NBEA: variants seen among roughly 807,000 people sequenced by gnomAD.
NBEA encodes neurobeachin.
Under a neutral mutation model 343.4 loss-of-function variants are expected in NBEA, and 44 were observed. The ratio of observed to expected loss-of-function variants is 0.13; its 90% CI spans 0.10 to 0.16. NBEA has a LOEUF of 0.16. Ranked by LOEUF, NBEA falls within the 10% of genes least tolerant of loss-of-function variation. NBEA has a pLI of 1.00. For synonymous variants in NBEA, 1,175 were observed against 1,238.7 expected (o/e 0.95, Z 1.08); for missense variants, 2,555 against 3,631.3 (o/e 0.70, Z 7.62).
Position 35,159,045 on chromosome 13 carries a change from A to G in NBEA, c.2874A>G (p.Leu958=). 6.2e-7 allele frequency: 1 copy of G among 1,610,078 alleles called. No homozygotes were observed. Among genetic ancestry groups the G allele is most frequent in the South Asian group, 1.1e-5 (1 of 90,362 alleles). Residue 958 remains leucine (L), a synonymous_variant, in exon 22 of 59, where the codon CTA becomes CTG. Coordinates refer to ENST00000379939, the MANE Select transcript of NBEA (RefSeq NM_001385012.1). The part of the protein sequence containing the change: ...KVTYEAHKEY[L]AKMYEEYQRQ... ...CTTATGAAGCTCATAAGGAATACCTAGCCAAAATGTATGAGGAATATCAAA... is the reference window on the plus strand; with the variant it reads ...CTTATGAAGCTCATAAGGAATACCTGGCCAAAATGTATGAGGAATATCAAA...
At chr13:35,151,096 C>T (rs1478380645) in intron 18 of NBEA, among the ~76,000 whole-genome samples, 1 of 106,442 alleles carries the variant, frequency 9.4e-6, no homozygotes, top group African/African-American at 3.8e-5. Context: ...GCCTGGTCGA[C>T]AAACAAGACA....
At chr13:35,454,052 T>C (rs1337836052) in intron 40 of NBEA, among the ~76,000 whole-genome samples, 1 of 152,186 alleles carries the variant, frequency 6.6e-6, no homozygotes, top group African/African-American at 2.4e-5. Context: ...TGGTCCTAAC[T>C]CATACTCTTC....
chr13:35,381,706 A>G (rs964242373), intron 38 of NBEA, among the ~76,000 whole-genome samples: 15 of 152,104 alleles, frequency 9.9e-5, no homozygotes, highest in African/African-American at 3.6e-4. Context: ...TCTGTAAGCA[A>G]CTCAATTTTA....
chr13:35,061,798 G>T (rs1253407853), intron 8 of NBEA, among the ~76,000 whole-genome samples: 2 of 151,692 alleles, frequency 1.3e-5, no homozygotes, highest in African/African-American at 4.8e-5. Context: ...ATAACCATTT[G>T]TAAACTCTGC....
At chr13:35,508,301 C>A (rs554228964) in intron 41 of NBEA, among the ~76,000 whole-genome samples, 1 of 152,110 alleles carries the variant, frequency 6.6e-6, no homozygotes, top group African/African-American at 2.4e-5. Context: ...AAGAATCAGA[C>A]CAGAGAGGGA....
chr13:35,149,931 C>T (rs183529693), intron 18 of NBEA, among the ~76,000 whole-genome samples: 90 of 152,262 alleles, frequency 5.9e-4, no homozygotes, highest in African/African-American at 2.1e-3. Context: ...AGTACAGCAG[C>T]GTTTTTACCC....
At chr13:35,333,164 G>C (rs2039031963) in intron 36 of NBEA, among the ~76,000 whole-genome samples, 1 of 151,924 alleles carries the variant, frequency 6.6e-6, no homozygotes, top group Non-Finnish European at 1.5e-5. Context: ...ATATGCATGA[G>C]AATCATCAAG....
At chr13:35,233,372 C>A (rs886699918) in intron 34 of NBEA, among the ~76,000 whole-genome samples, 1 of 152,016 alleles carries the variant, frequency 6.6e-6, no homozygotes, top group Admixed American at 6.6e-5. Flanking sequence ...TGTGCCTGTT[C>A]TGTTATTGTC....
intron 38 of NBEA, among the ~76,000 whole-genome samples, chr13:35,387,890 G>A (rs1332053448): frequency 2.0e-5 from 3 of 151,936 alleles, no homozygotes; most frequent in Admixed American, 6.6e-5. Context: ...TATCCCCTTC[G>A]CCTTTTCCCT....
intron 48 of NBEA, among the ~76,000 whole-genome samples, chr13:35,607,066 TACAG>T (rs918298232): frequency 6.6e-6 from 1 of 152,168 alleles, no homozygotes; most frequent in Non-Finnish European, 1.5e-5. Context: ...TGTTTTGTTT[TACAG>T]ACAGTGTTTC....
At chr13:35,528,727 T>A (rs1468563388) in intron 41 of NBEA, among the ~76,000 whole-genome samples, 1 of 152,134 alleles carries the variant, frequency 6.6e-6, no homozygotes, top group African/African-American at 2.4e-5. Flanking sequence ...AAATACATAT[T>A]TTATATAAGA....
intron 49 of NBEA, among the ~76,000 whole-genome samples, chr13:35,633,028 A>C (rs2083527982): frequency 6.6e-6 from 1 of 151,850 alleles, no homozygotes; most frequent in African/African-American, 2.4e-5. Flanking sequence ...AAAAAAAAAA[A>C]AAAAATTATC....
rs1003437681 is a variant in NBEA at position 35,420,534 on chromosome 13, T to C, written c.6180-11735T>C. Among the ~76,000 whole-genome samples the C allele has an allele frequency of 2.6e-5, 4 of 152,146 alleles. No homozygotes were observed. The East Asian group carries it at 5.8e-4, about 22-fold the overall frequency. On this transcript the variant is annotated intron_variant, in intron 38 of 58. Transcript: ENST00000379939. ...AGGGTGATGTTAGCTATAATAATTATTGAGAAATATTTCTTCCTATTCTGT... is the reference window on the plus strand; with the variant it reads ...AGGGTGATGTTAGCTATAATAATTACTGAGAAATATTTCTTCCTATTCTGT...
At chr13:35,441,960 CT>C (rs1196171979) in intron 39 of NBEA, among the ~76,000 whole-genome samples, 1 of 152,016 alleles carries the variant, frequency 6.6e-6, no homozygotes, top group Non-Finnish European at 1.5e-5. Flanking sequence ...GCCAAACTTT[CT>C]AATTCACATT....
At chr13:35,057,715 T>G (rs954726336) in intron 7 of NBEA, among the ~76,000 whole-genome samples, 3 of 152,130 alleles carry the variant, frequency 2.0e-5, no homozygotes, top group African/African-American at 7.2e-5. Context: ...CCCAGTGGTC[T>G]TCTTGACTCA....
At chr13:35,358,671 T>C (rs2040632610) in intron 38 of NBEA, among the ~76,000 whole-genome samples, 1 of 152,018 alleles carries the variant, frequency 6.6e-6, no homozygotes, top group Non-Finnish European at 1.5e-5. Flanking sequence ...TGAGCCGAGA[T>C]TGTGCCAGTG....
chr13:35,313,587 C>T (rs979293667), intron 36 of NBEA, among the ~76,000 whole-genome samples: 3 of 152,170 alleles, frequency 2.0e-5, no homozygotes, highest in African/African-American at 2.4e-5. Context: ...CTCATCCAAA[C>T]TTAATGCTGG....
chr13:35,652,412 G>A (rs551896922), intron 53 of NBEA, among the ~76,000 whole-genome samples: 3 of 151,190 alleles, frequency 2.0e-5, no homozygotes, highest in South Asian at 2.1e-4. Context: ...AGTCCAAGAC[G>A]GGCGGATCAC....
intron 1 of NBEA, among the ~76,000 whole-genome samples, chr13:35,030,676 G>T (rs1200997861): frequency 1.3e-5 from 2 of 151,556 alleles, no homozygotes; most frequent in Non-Finnish European, 3.0e-5. Flanking sequence ...CTAATCTTGG[G>T]ATGATATTTT....
Sources: gnomAD v4.1 joint callset for allele counts (sites outside exome capture counted in the v4.1 genomes callset) on GRCh38, gnomAD v4.1.1 for gene constraint, MANE v1.5 for transcripts, NCBI Gene and HGNC (gene_info 2026-07-23, HGNC 2026-07-21) for gene names.